Variants in MYOM3 observed in about 807,000 individuals in gnomAD.
The protein encoded by MYOM3 is myomesin-3.
MYOM3 carries 155 observed loss-of-function variants against 191.7 expected under a neutral mutation model. That is an observed-to-expected ratio of 0.81 (90% CI 0.71 to 0.92). The LOEUF is 0.92. Ranked by LOEUF, MYOM3 falls within the 40% of genes least tolerant of loss-of-function variation. MYOM3 has a pLI of 0.00. For missense variants in MYOM3, 1,889 were observed against 1,890.6 expected (o/e 1.00, Z 0.02); for synonymous variants, 757 against 762.9 (o/e 0.99, Z 0.13).
At position 24,087,695 on chromosome 1, in the gene MYOM3, C is replaced by T. The variant is rs2148554347; in HGVS notation, c.1615-868G>A. Among the ~76,000 whole-genome samples the T allele has an allele frequency of 6.6e-6, 1 of 152,304 alleles. No homozygotes were observed. The highest frequency in any genetic ancestry group is 1.9e-4 in the East Asian group (1 of 5,178). ...TCTAAAAATGTCAGCAGCTCCTCTC[C>T]CCACACTTCAAGTTCCCCTCCCTGC... On this transcript the variant is annotated intron_variant, in intron 14 of 36. Coordinates refer to ENST00000374434, the MANE Select transcript of MYOM3 (RefSeq NM_152372.4). This position sits in a 1 kb window ranked among gnomAD's most constrained non-coding sequence, Gnocchi z 4.5.
chr1:24,100,379 G>A (rs929960800), intron 5 of MYOM3, among the ~76,000 whole-genome samples: 2 of 152,166 alleles, frequency 1.3e-5, no homozygotes, highest in East Asian at 1.9e-4. Context: ...CCTTCTGGGG[G>A]CAGAGAAGAG....
intron 14 of MYOM3, among the ~76,000 whole-genome samples, chr1:24,088,557 T>C (rs4378147): frequency 0.67 from 102,200 of 152,066 alleles, 34,524 homozygotes; most frequent in East Asian, 0.94. Flanking sequence ...ACTACCACCT[T>C]GTGAAACAAA....
chr1:24,071,045 G>T, intron 25 of MYOM3, 72 bp downstream of exon 25: 1 of 1,558,746 alleles, frequency 6.4e-7, no homozygotes, highest in Non-Finnish European at 8.8e-7. Context: ...CAGCCCATGC[G>T]GAATCACCAT....
chr1:24,107,272 G>C (rs1643992524), intron 3 of MYOM3, 40 bp from the exon 4 acceptor site: 2 of 1,534,398 alleles, frequency 1.3e-6, no homozygotes, highest in Non-Finnish European at 1.8e-6. Flanking sequence ...GCAGGGATGG[G>C]GGATGCCTGG....
Position 24,082,104 on chromosome 1 carries a change from C to T in MYOM3, c.2177G>A (p.Arg726His), listed in dbSNP as rs199563470. 457 of 1,613,566 alleles carry T rather than the reference C, an allele frequency of 2.8e-4. No homozygotes were observed. The highest frequency in any genetic ancestry group is 3.6e-4 in the Non-Finnish European group (430 of 1,179,994). Residue 726 changes from arginine (R) to histidine (H), a missense_variant, in exon 18 of 37, where the codon CGT becomes CAT. Transcript: ENST00000374434. ...GTAGCCCAGGATCTTGCCACCTCCA[C>T]GACGCTTGGGGGGTTTCCACCCAAT... ...MVIGWKPPKRRGGGKILGYFL... is the reference protein window; with the variant it reads ...MVIGWKPPKRHGGGKILGYFL...
Position 24,063,124 on chromosome 1 carries a change from A to G in MYOM3, c.3770+2T>C. On this transcript the variant is annotated splice_donor_variant, in intron 32 of 36. Transcript: ENST00000374434. LOFTEE classifies it high-confidence loss of function. This position sits in a 1 kb window ranked among gnomAD's most constrained non-coding sequence, Gnocchi z 4.5. ...TGGGGTTCTGGGGCAAGGCGGACTT[A>G]CTTGTGGAACCAGGTGGTTTTCATG... The G allele has an allele frequency of 6.2e-7, 1 of 1,601,036 alleles. No homozygotes were observed. Among genetic ancestry groups the G allele is most frequent in the Middle Eastern group, 1.7e-4 (1 of 5,852 alleles).
intron 20 of MYOM3, among the ~76,000 whole-genome samples, chr1:24,076,579 T>C (rs1457448473): frequency 1.4e-5 from 1 of 70,624 alleles, no homozygotes; most frequent in Non-Finnish European, 2.9e-5. Context: ...AGTGGCGGGA[T>C]CTCGGCTCAT....
At chr1:24,097,832 C>T in intron 7 of MYOM3, 91 bp downstream of exon 7, 1 of 898,238 alleles carries the variant, frequency 1.1e-6, no homozygotes, top group Admixed American at 1.7e-5. Context: ...GCCTATGGCC[C>T]TTCCTCAGGT....
intron 25 of MYOM3, among the ~76,000 whole-genome samples, 166 bp downstream of exon 25, chr1:24,070,949 AAG>A (rs1461253297): frequency 6.6e-6 from 1 of 151,968 alleles, no homozygotes; most frequent in African/African-American, 2.4e-5. Context: ...CACTGGTACT[AAG>A]AGCCAAATGT....
chr1:24,108,250 C>T (rs745704212), intron 2 of MYOM3, 177 bp from the exon 3 acceptor site: 13 of 746,096 alleles, frequency 1.7e-5, no homozygotes, highest in Non-Finnish European at 2.8e-5. Flanking sequence ...GAATGTGCTT[C>T]CCTCCTCAAA....
Position 24,082,691 on chromosome 1 carries a change from G to A in MYOM3, c.1994C>T (p.Thr665Met), listed in dbSNP as rs148441250. The A allele has an allele frequency of 2.9e-5, 46 of 1,610,300 alleles. 2 individuals are homozygous for A. Among genetic ancestry groups the A allele is most frequent in the East Asian group, 1.6e-4 (7 of 44,448 alleles). ...GACACAAAACTCGTACTCCTTCCCC[G>A]TCCTCAGCCCGGGAACTGTAAACCT... ...GTRFTVPGLR[T>M]GKEYEFCVRS... Residue 665 changes from threonine (T) to methionine (M), a missense_variant, in exon 17 of 37, where the codon ACG (threonine) becomes ATG (methionine). By Grantham distance (81) the Thr-to-Met change is moderately conservative (BLOSUM62 -1). Transcript: ENST00000374434.
chr1:24,089,205 C>T (rs1272390551), intron 14 of MYOM3, among the ~76,000 whole-genome samples: 2 of 152,092 alleles, frequency 1.3e-5, no homozygotes, highest in African/African-American at 2.4e-5. Flanking sequence ...AGTGCTTGGC[C>T]CCAATGTGTG....
intron 13 of MYOM3, 23 bp from the exon 14 acceptor site, chr1:24,089,688 C>T (rs1643791750): frequency 6.4e-7 from 1 of 1,557,970 alleles, no homozygotes. Context: ...TCACCCGGGA[C>T]CGAGATGGTT....
chr1:24,093,256 C>T (rs1463078131), intron 9 of MYOM3, 148 bp from the exon 10 acceptor site: 8 of 626,264 alleles, frequency 1.3e-5, no homozygotes, highest in East Asian at 5.4e-5. Flanking sequence ...GGGTGGTGGC[C>T]TCCAGGGCTT....
chr1:24,063,117 C>A lies in MYOM3; in HGVS notation c.3770+9G>T. The A allele has an allele frequency of 5.7e-6, 9 of 1,591,746 alleles. No homozygotes were observed. Among genetic ancestry groups the A allele is most frequent in the Non-Finnish European group, 7.8e-6 (9 of 1,160,596 alleles). ...GCCTGGCTGGGGTTCTGGGGCAAGG[C>A]GGACTTACTTGTGGAACCAGGTGGT... On this transcript the variant is annotated intron_variant, in intron 32 of 36. Transcript: ENST00000374434. This position sits in a 1 kb window ranked among gnomAD's most constrained non-coding sequence, Gnocchi z 4.5.
At chr1:24,091,717 TGGCAGCATTA>T (rs766354162) in intron 11 of MYOM3, among the ~76,000 whole-genome samples, 2 of 152,190 alleles carry the variant, frequency 1.3e-5, no homozygotes, top group Non-Finnish European at 2.9e-5. Flanking sequence ...AGCCTGTCCG[TGGCAGCATTA>T]GCTATTTTCT....
At chr1:24,097,601 G>C (rs1374622712) in intron 7 of MYOM3, among the ~76,000 whole-genome samples, 1 of 152,190 alleles carries the variant, frequency 6.6e-6, no homozygotes, top group Non-Finnish European at 1.5e-5. Context: ...GTACTATCAA[G>C]GGTGTCTGGC....
intron 20 of MYOM3, among the ~76,000 whole-genome samples, chr1:24,079,296 G>A (rs765237818): frequency 6.6e-6 from 1 of 152,032 alleles, no homozygotes; most frequent in Non-Finnish European, 1.5e-5. Flanking sequence ...ACCTCTGTGG[G>A]CTCAGGTGAT....
chr1:24,061,461 G>GGGA, intron 33 of MYOM3, 152 bp from the exon 34 acceptor site: 1 of 739,350 alleles, frequency 1.4e-6, no homozygotes, highest in South Asian at 1.7e-5. Flanking sequence ...AGGACTGCGT[G>GGGA]GGAGGGTAGG....
Sources: allele counts gnomAD v4.1 joint callset (sites outside exome capture counted in the v4.1 genomes callset), GRCh38; gene constraint gnomAD v4.1.1; non-coding constraint Gnocchi (gnomAD v3.1); transcripts MANE v1.5; gene names NCBI Gene and HGNC (gene_info 2026-07-23, HGNC 2026-07-21).